NALCN: variants seen among roughly 807,000 people sequenced by gnomAD.
NALCN encodes the protein sodium leak channel, non-selective, also known as sodium leak channel NALCN.
A neutral mutation model predicts 225.3 loss-of-function variants in NALCN; 111 were observed. The observed-to-expected ratio is 0.49, with a 90% CI of 0.42 to 0.58. The LOEUF (loss-of-function observed/expected upper bound fraction) is 0.58. NALCN is among the 20% of genes least tolerant of loss of function. The pLI is 0.00. For synonymous variants in NALCN, 764 were observed against 769.0 expected, an observed-to-expected ratio of 0.99 and a Z score of 0.11; for missense variants, 1,378 against 2,202.4, an observed-to-expected ratio of 0.63 and a Z score of 7.49.
chr13:101,278,641 G>A (rs1385782126), intron 10 of NALCN, among the ~76,000 whole-genome samples: 1 of 151,614 alleles, frequency 6.6e-6, no homozygotes, highest in Non-Finnish European at 1.5e-5. Context: ...GATGAAAAGA[G>A]TTCTGAAAGA....
At chr13:101,336,128 C>T (rs555147429) in intron 7 of NALCN, among the ~76,000 whole-genome samples, 7 of 152,162 alleles carry the variant, frequency 4.6e-5, no homozygotes, top group African/African-American at 1.4e-4. Context: ...AAAACTAAAA[C>T]ACTGGACCCG....
intron 13 of NALCN, among the ~76,000 whole-genome samples, chr13:101,201,239 T>G (rs2140040329): frequency 6.6e-6 from 1 of 152,308 alleles, no homozygotes; most frequent in South Asian, 2.1e-4. Flanking sequence ...ATTAAGTGGG[T>G]TTTAGTTTAT....
chr13:101,225,721 G>A (rs1296305839), intron 13 of NALCN, among the ~76,000 whole-genome samples: 3 of 152,148 alleles, frequency 2.0e-5, no homozygotes, highest in African/African-American at 7.2e-5. Flanking sequence ...AGTAAGAGAT[G>A]CTGCTGAAAA....
At chr13:101,342,714 T>G (rs562330555) in intron 7 of NALCN, among the ~76,000 whole-genome samples, 1 of 152,212 alleles carries the variant, frequency 6.6e-6, no homozygotes, top group Non-Finnish European at 1.5e-5. Context: ...AAATTTCATT[T>G]CTGTTTCTCA....
chr13:101,175,045 T>A (rs952894112), intron 15 of NALCN, among the ~76,000 whole-genome samples: 6 of 152,326 alleles, frequency 3.9e-5, no homozygotes, highest in South Asian at 2.1e-4. Context: ...CACAAAGTAT[T>A]TTCATTGATG....
chr13:101,118,565 A>G (rs901219576), intron 18 of NALCN, among the ~76,000 whole-genome samples: 32 of 152,146 alleles, frequency 2.1e-4, no homozygotes, highest in Admixed American at 1.3e-4. Context: ...ATTTTCATCT[A>G]TCTACTTAGC....
At chr13:101,280,582 G>C (rs1034255981) in intron 10 of NALCN, among the ~76,000 whole-genome samples, 2 of 152,138 alleles carry the variant, frequency 1.3e-5, no homozygotes, top group Admixed American at 1.3e-4. Flanking sequence ...AGATTTTAAA[G>C]CTCTGGATAC....
At chr13:101,389,642 A>AG (rs1294605661) in intron 3 of NALCN, among the ~76,000 whole-genome samples, 1 of 152,218 alleles carries the variant, frequency 6.6e-6, no homozygotes, top group Non-Finnish European at 1.5e-5. Flanking sequence ...ACAACAGTGG[A>AG]GGGACCCCTC....
At chr13:101,094,679 A>G (rs2034412073) in intron 28 of NALCN, among the ~76,000 whole-genome samples, 1 of 152,106 alleles carries the variant, frequency 6.6e-6, no homozygotes, top group South Asian at 2.1e-4. Flanking sequence ...TGGATATTTT[A>G]AAAAATAAAA....
intron 43 of NALCN, among the ~76,000 whole-genome samples, chr13:101,056,703 G>C (rs2031310482): frequency 6.6e-6 from 1 of 152,130 alleles, no homozygotes; most frequent in Non-Finnish European, 1.5e-5. Flanking sequence ...GTTGCCTTGT[G>C]CTCACACCAC....
intron 6 of NALCN, among the ~76,000 whole-genome samples, chr13:101,367,384 CT>C (rs900354326): frequency 6.6e-6 from 1 of 151,602 alleles, no homozygotes; most frequent in Non-Finnish European, 1.5e-5. Context: ...CATTTTCTCT[CT>C]TTTTTGACAT....
chr13:101,357,631 T>C (rs2046102801), intron 6 of NALCN, among the ~76,000 whole-genome samples: 1 of 152,162 alleles, frequency 6.6e-6, no homozygotes, highest in Admixed American at 6.5e-5. Flanking sequence ...ATAGATTCAA[T>C]GCTATTCCCA....
chr13:101,140,655 C>T (rs2139776210), intron 17 of NALCN, among the ~76,000 whole-genome samples: 1 of 152,382 alleles, frequency 6.6e-6, no homozygotes, highest in South Asian at 2.1e-4. Flanking sequence ...AGCCAAGGCA[C>T]TATCTTCCCA....
rs1359396946 is a variant in NALCN, at chr13:101,089,847, G to A, written c.3389C>T (p.Pro1130Leu). Reference sequence around the variant, plus strand: ...AAAGGATTCGATGTGCTCGCTTACCGGCCCCACACGATGAATAATAACATC... The same window carrying A: ...AAAGGATTCGATGTGCTCGCTTACCAGCCCCACACGATGAATAATAACATC... Reference protein sequence around the residue: ...VRDVIIHRVGPIHGIYIHVFV... With the variant: ...VRDVIIHRVGLIHGIYIHVFV... The change falls in exon 29 of 44, where the codon CCG becomes CTG. Residue 1130 changes from proline to leucine, a missense_variant and splice_region_variant. By Grantham distance (98) the Pro-to-Leu change is moderately conservative (BLOSUM62 -3). Coordinates refer to ENST00000251127, the MANE Select transcript of NALCN (RefSeq NM_052867.4). This position sits in a 1 kb window ranked among gnomAD's most constrained non-coding sequence, Gnocchi z 4.7. The A allele has an allele frequency of 6.2e-7, 1 of 1,613,956 alleles. No individual in the cohort carries two copies. The highest frequency in any genetic ancestry group is 1.3e-5 in the African/African-American group (1 of 75,002).
chr13:101,341,192 T>C (rs1471636294), intron 7 of NALCN, among the ~76,000 whole-genome samples: 1 of 152,194 alleles, frequency 6.6e-6, no homozygotes, highest in East Asian at 1.9e-4. Context: ...AACAAATAGA[T>C]ACTAGAGACT....
chr13:101,349,646 T>C (rs902256618), intron 6 of NALCN, among the ~76,000 whole-genome samples: 1 of 152,058 alleles, frequency 6.6e-6, no homozygotes, highest in Non-Finnish European at 1.5e-5. Context: ...TGCTTTTCCA[T>C]CTCCTCTAGT....
chr13:101,263,651 T>A (rs2042504213), intron 10 of NALCN, among the ~76,000 whole-genome samples: 1 of 152,218 alleles, frequency 6.6e-6, no homozygotes, highest in Non-Finnish European at 1.5e-5. Context: ...TATAATTAGG[T>A]TGTTTTTTGT....
intron 7 of NALCN, among the ~76,000 whole-genome samples, chr13:101,305,838 A>G (rs968371333): frequency 6.6e-6 from 1 of 152,240 alleles, no homozygotes; most frequent in African/African-American, 2.4e-5. Context: ...GGTCACCACC[A>G]TATTCCTAGG....
Position 101,366,731 on chromosome 13 carries a change from C to T in NALCN, c.644+9969G>A, listed in dbSNP as rs74117894. ...TGTATACAAGACATAATGGTTACAT[C>T]GGGCCAATTAATATATCCATCATAT... On this transcript the variant is annotated intron_variant, in intron 6 of 43. Coordinates refer to ENST00000251127, the MANE Select transcript of NALCN (RefSeq NM_052867.4). Among the ~76,000 whole-genome samples, 1,181 of 152,226 alleles carry T rather than the reference C, an allele frequency of 7.8e-3. 15 individuals are homozygous for T. The highest frequency in any genetic ancestry group is 0.027 in the African/African-American group (1,105 of 41,522).
Sources: gnomAD v4.1 joint callset for allele counts (sites outside exome capture counted in the v4.1 genomes callset) on GRCh38, gnomAD v4.1.1 for gene constraint, Gnocchi (gnomAD v3.1) non-coding constraint, MANE v1.5 for transcripts, NCBI Gene and HGNC (gene_info 2026-07-23, HGNC 2026-07-21) for gene names.